Variants in ZDHHC2 observed in about 807,000 individuals in gnomAD.
ZDHHC2 encodes palmitoyltransferase ZDHHC2.
A neutral mutation model predicts 55.6 loss-of-function variants in ZDHHC2; 51 were observed. The observed-to-expected ratio is 0.92, with a 90% confidence interval of 0.73 to 1.16. The LOEUF is 1.16. Among genes scored for constraint, ZDHHC2 ranks in the 50% most tolerant of loss-of-function variants. The probability of loss-of-function intolerance (pLI) is 0.00; values close to 1 mark genes in which losing one functional copy is unlikely to be tolerated. For synonymous variants in ZDHHC2, 199 were observed against 152.9 expected (o/e 1.30, Z -2.22); for missense variants, 491 against 442.4 (o/e 1.11, Z -0.99).
Position 17,205,684 on chromosome 8 carries a change from A to T in ZDHHC2, c.506A>T (p.Tyr169Phe). The T allele has an allele frequency of 6.2e-7, 1 of 1,607,004 alleles. No individual in the cohort carries two copies. Among genetic ancestry groups the T allele is most frequent in the Non-Finnish European group, 8.5e-7 (1 of 1,178,032 alleles). The change falls in exon 7 of 13, where the codon TAT (tyrosine) becomes TTT (phenylalanine). Residue 169 changes from tyrosine to phenylalanine, a missense_variant. Tyr to Phe is a conservative substitution (Grantham distance 22). Transcript: ENST00000262096. ...AACAATTGTGTTGGATTTTCAAATT[A>T]TAAGTTCTTTCTCCTTTTCTTGGCT... Reference protein sequence around the residue: ...WVNNCVGFSNYKFFLLFLAYS... With the variant: ...WVNNCVGFSNFKFFLLFLAYS...
At chr8:17,168,725 T>C (rs1369364871) in intron 1 of ZDHHC2, among the ~76,000 whole-genome samples, 2 of 151,788 alleles carry the variant, frequency 1.3e-5, no homozygotes, top group Non-Finnish European at 2.9e-5. Flanking sequence ...AGGTAGCTCC[T>C]ATGAGTGGAA....
At chr8:17,199,901 G>A (rs1435243235) in intron 6 of ZDHHC2, among the ~76,000 whole-genome samples, 12 of 151,674 alleles carry the variant, frequency 7.9e-5, no homozygotes. Context: ...CCAGACTACA[G>A]GCGCCTGTAA....
intron 6 of ZDHHC2, among the ~76,000 whole-genome samples, chr8:17,199,546 T>TTCGTCTTCTGTCTTCTGTCTTC (rs1806566009): frequency 3.2e-4 from 13 of 40,640 alleles, no homozygotes; most frequent in African/African-American, 8.8e-4. Flanking sequence ...CTTCGTCTTC[T>TTCGTCTTCTGTCTTCTGTCTTC]GTCTTCGTCT....
At position 17,184,830 on chromosome 8, in the gene ZDHHC2, A is replaced by G; in HGVS notation, c.157+15A>G. 1.3e-6 allele frequency: 2 copies of G among 1,534,438 alleles called. No individual in the cohort carries two copies. The highest frequency in any genetic ancestry group is 1.7e-4 in the Middle Eastern group (1 of 5,860). On this transcript the variant is annotated intron_variant, in intron 2 of 12. Coordinates refer to ENST00000262096, the MANE Select transcript of ZDHHC2 (RefSeq NM_016353.5). Reference sequence around the variant, plus strand: ...TGGCGAACAAGGTAAGCTAGATTATATTAATGTTATAGATTTTTTAAATAG... The same window carrying G: ...TGGCGAACAAGGTAAGCTAGATTATGTTAATGTTATAGATTTTTTAAATAG...
At chr8:17,215,629 A>T (rs1221358446) in intron 11 of ZDHHC2, among the ~76,000 whole-genome samples, 1 of 152,232 alleles carries the variant, frequency 6.6e-6, no homozygotes, top group Non-Finnish European at 1.5e-5. Flanking sequence ...ATAGAAGTAA[A>T]TTCAAAATAT....
rs373064122 is a variant in ZDHHC2, at chr8:17,200,082, A to G, written c.476+1669A>G. Among the ~76,000 whole-genome samples, 11 of 152,014 alleles carry G rather than the reference A, an allele frequency of 7.2e-5. No individual in the cohort carries two copies. In the East Asian group the frequency reaches 1.9e-3, roughly 27 times the overall value. Reference sequence around the variant, plus strand: ...CGTCTTCTTAATTCTCCTTACATTCATTTGTTGACTTCCCCTGCAGCTGCT... The same window carrying G: ...CGTCTTCTTAATTCTCCTTACATTCGTTTGTTGACTTCCCCTGCAGCTGCT... On this transcript the variant is annotated intron_variant, in intron 6 of 12. Coordinates refer to ENST00000262096, the MANE Select transcript of ZDHHC2 (RefSeq NM_016353.5).
intron 1 of ZDHHC2, 21 bp downstream of exon 1, chr8:17,156,874 G>T (rs1021632209): frequency 1.4e-5 from 21 of 1,483,834 alleles, no homozygotes; most frequent in Non-Finnish European, 1.6e-5. Flanking sequence ...CCCCCGCCGC[G>T]GCGCCCCCAG....
chr8:17,193,545 C>G (rs954583387), intron 3 of ZDHHC2, among the ~76,000 whole-genome samples: 1 of 152,222 alleles, frequency 6.6e-6, no homozygotes, highest in Non-Finnish European at 1.5e-5. Flanking sequence ...CTGCCTCCCC[C>G]ATCTGCGTTT....
chr8:17,197,589 A>T lies in ZDHHC2; in HGVS notation c.381A>T (p.Arg127=), dbSNP rs773114325. The change falls in exon 5 of 13, where the codon CGA becomes CGT. Residue 127 remains arginine, a synonymous_variant. Transcript: ENST00000262096. Reference sequence around the variant, plus strand: ...GGAGCTTTTTGTCCCTAGCCATCCGATACTGTGACAGATGCCAACTTATAA... The same window carrying T: ...GGAGCTTTTTGTCCCTAGCCATCCGTTACTGTGACAGATGCCAACTTATAA... ...IYTRTMSGAI[R]YCDRCQLIKP... 1.9e-6 allele frequency: 3 copies of T among 1,613,564 alleles called. No individual in the cohort carries two copies. Among genetic ancestry groups the T allele is most frequent in the Admixed American group, 3.3e-5 (2 of 59,982 alleles).
intron 3 of ZDHHC2, among the ~76,000 whole-genome samples, chr8:17,195,193 A>G (rs1806243232): frequency 6.6e-6 from 1 of 152,172 alleles, no homozygotes; most frequent in South Asian, 2.1e-4. Flanking sequence ...CTATCAATGT[A>G]ACTCATATTT....
intron 1 of ZDHHC2, chr8:17,157,509 T>G (rs1804121796): frequency 6.6e-6 from 1 of 152,162 alleles, no homozygotes; most frequent in Non-Finnish European, 1.5e-5. Context: ...AAAGAGGTGA[T>G]CGTCTGAGGT....
At chr8:17,160,390 T>G (rs1055974293) in intron 1 of ZDHHC2, among the ~76,000 whole-genome samples, 10 of 152,232 alleles carry the variant, frequency 6.6e-5, no homozygotes, top group Non-Finnish European at 1.0e-4. Flanking sequence ...GCTTACGGTT[T>G]TAGTTACGTC....
Position 17,186,321 on chromosome 8 carries a change from C to G in ZDHHC2, c.158-10C>G. ...ATATTATAATGATAATTATGTTTTTCTCATTTTAGTTGTGTGCCTGATGGC... is the reference window on the plus strand; with the variant it reads ...ATATTATAATGATAATTATGTTTTTGTCATTTTAGTTGTGTGCCTGATGGC... On this transcript the variant is annotated splice_polypyrimidine_tract_variant and intron_variant, in intron 2 of 12. Coordinates refer to ENST00000262096, the MANE Select transcript of ZDHHC2 (RefSeq NM_016353.5). The G allele has an allele frequency of 1.1e-5, 17 of 1,555,884 alleles. No individual in the cohort carries two copies. The highest frequency in any genetic ancestry group is 1.3e-5 in the Non-Finnish European group (15 of 1,142,462).
chr8:17,195,581 A>G lies in ZDHHC2; in HGVS notation c.330A>G (p.Arg110=), dbSNP rs370478266. The G allele has an allele frequency of 3.2e-5, 52 of 1,613,866 alleles. No individual in the cohort carries two copies. The highest frequency in any genetic ancestry group is 4.3e-5 in the Non-Finnish European group (51 of 1,179,860). The change falls in exon 4 of 13, where the codon CGA becomes CGG. Residue 110 remains arginine, a synonymous_variant. Coordinates refer to ENST00000262096, the MANE Select transcript of ZDHHC2 (RefSeq NM_016353.5). The part of the protein sequence containing the change: ...RGEAHQEVLR[R]AAKDLPIYTR... ...AAGCCCATCAGGAAGTTCTTAGGCG[A>G]GCAGCCAAGGATCTTCCCATCTATA...
At chr8:17,182,046 T>C (rs1360797996) in intron 1 of ZDHHC2, among the ~76,000 whole-genome samples, 2 of 152,182 alleles carry the variant, frequency 1.3e-5, no homozygotes, top group Non-Finnish European at 2.9e-5. Context: ...GTAACCATGG[T>C]TGAAAGAACA....
intron 1 of ZDHHC2, among the ~76,000 whole-genome samples, chr8:17,180,912 CCTGT>C (rs1477601574): frequency 1.3e-5 from 2 of 152,096 alleles, no homozygotes; most frequent in Non-Finnish European, 2.9e-5. Context: ...ACTTATAGAC[CCTGT>C]CTGTCTTCAA....
intron 4 of ZDHHC2, 116 bp from the exon 5 acceptor site, chr8:17,197,466 A>G (rs1806377567): frequency 5.8e-6 from 5 of 858,758 alleles, no homozygotes; most frequent in South Asian, 4.0e-5. Flanking sequence ...TTTTTTTACC[A>G]TATTTAAATT....
At position 17,199,533 on chromosome 8, in the gene ZDHHC2, T is replaced by TCTTCGTCTTCGTCTTCGTCTTC. The variant is rs773429262; in HGVS notation, c.476+1120_476+1121insCTTCGTCTTCGTCTTCGTCTTC. Among the ~76,000 whole-genome samples the TCTTCGTCTTCGTCTTCGTCTTC allele has an allele frequency of 1.9e-3, 59 of 31,276 alleles. 2 individuals are homozygous for TCTTCGTCTTCGTCTTCGTCTTC. Among genetic ancestry groups the TCTTCGTCTTCGTCTTCGTCTTC allele is most frequent in the African/African-American group, 6.0e-3 (52 of 8,704 alleles). 20.5% of individuals were successfully genotyped at this position (31,276 alleles called of 152,430 possible). On this transcript the variant is annotated intron_variant, in intron 6 of 12. Transcript: ENST00000262096. Reference sequence around the variant, plus strand: ...CTTCTTCGTCTTCGTCTTCGTCTTCTGTCTTCGTCTTCTGTCTTCGTCTTC... The same window carrying TCTTCGTCTTCGTCTTCGTCTTC: ...CTTCTTCGTCTTCGTCTTCGTCTTCTCTTCGTCTTCGTCTTCGTCTTCGTCTTCGTCTTCTGTCTTCGTCTTC...
intron 6 of ZDHHC2, among the ~76,000 whole-genome samples, chr8:17,200,515 G>T (rs1461782856): frequency 2.0e-5 from 3 of 152,140 alleles, no homozygotes; most frequent in Non-Finnish European, 4.4e-5. Context: ...TGATTTGTCT[G>T]ACCTTAATAA....
Sources: allele counts gnomAD v4.1 joint callset (sites outside exome capture counted in the v4.1 genomes callset), GRCh38; gene constraint gnomAD v4.1.1; transcripts MANE v1.5; gene names NCBI Gene and HGNC (gene_info 2026-07-23, HGNC 2026-07-21).